Variants in IQCK observed in about 807,000 individuals in gnomAD.
IQCK encodes IQ domain-containing protein K.
A neutral mutation model predicts 28.1 loss-of-function variants in IQCK; 29 were observed. That is an observed-to-expected ratio of 1.03 (90% CI 0.77 to 1.41). The LOEUF is 1.41. Ranked by LOEUF, IQCK falls within the 40% of genes most tolerant of loss-of-function variation. IQCK has a pLI of 0.00. For synonymous variants in IQCK, 113 were observed against 115.1 expected, an observed-to-expected ratio of 0.98 and a Z score of 0.12; for missense variants, 359 against 314.7, an observed-to-expected ratio of 1.14 and a Z score of -1.07.
chr16:19,789,152 G>A (rs745316256), intron 7 of IQCK: 1 of 91,148 alleles, frequency 1.1e-5, no homozygotes, highest in African/African-American at 6.4e-5. Context: ...CAGGGGCCAA[G>A]GTGGGAGGAT....
chr16:19,829,934 C>T (rs572560844), downstream of IQCK, among the ~76,000 whole-genome samples: 54 of 152,164 alleles, frequency 3.5e-4, no homozygotes, highest in Admixed American at 1.1e-3. Context: ...CATGGTACCT[C>T]CTGATGTGAT....
chr16:19,849,489 C>T (rs937378634), intron 9 of IQCK, among the ~76,000 whole-genome samples: 13 of 151,320 alleles, frequency 8.6e-5, no homozygotes, highest in South Asian at 2.1e-4. Context: ...GGGCTGGGTG[C>T]GGTGGCTCAT....
chr16:19,771,126 C>G (rs753611122), intron 6 of IQCK, among the ~76,000 whole-genome samples: 1 of 152,204 alleles, frequency 6.6e-6, no homozygotes, highest in Non-Finnish European at 1.5e-5. Context: ...GGGTCTCCCT[C>G]TGTTGCCCAG....
chr16:19,781,724 C>T (rs907122285), intron 6 of IQCK, among the ~76,000 whole-genome samples: 1 of 152,148 alleles, frequency 6.6e-6, no homozygotes, highest in East Asian at 1.9e-4. Flanking sequence ...CGTGGTGGCT[C>T]ACGCCTGTAA....
At chr16:19,724,084 T>C (rs1398922855) in intron 1 of IQCK, among the ~76,000 whole-genome samples, 1 of 152,226 alleles carries the variant, frequency 6.6e-6, no homozygotes, top group Non-Finnish European at 1.5e-5. Flanking sequence ...TTGTGTTGTG[T>C]ACTTGGAGTC....
At chr16:19,720,456 A>G (rs1977457878) in intron 1 of IQCK, among the ~76,000 whole-genome samples, 1 of 152,224 alleles carries the variant, frequency 6.6e-6, no homozygotes, top group Non-Finnish European at 1.5e-5. Flanking sequence ...CCTCATCTGT[A>G]AGAGACAGAT....
chr16:19,799,597 T>TATAC lies in IQCK; in HGVS notation c.690+10676_690+10677insTACA, dbSNP rs1265590680. The stretch of plus-strand genomic sequence containing the variant: ...ATATTTTATTTTATATATATATATA[T>TATAC]ACACACACACACACACACACACACA... On this transcript the variant is annotated intron_variant, in intron 7 of 7. Transcript: ENST00000564186. 7.5e-4 allele frequency among the ~76,000 whole-genome samples: 84 copies of TATAC among 111,684 alleles called. 3 individuals carry two copies. Among genetic ancestry groups the TATAC allele is most frequent in the African/African-American group, 1.5e-3 (29 of 19,112 alleles). The allele number at this position is 111,684 out of a possible 152,430, so 73.3% of individuals were successfully genotyped here.
intron 4 of IQCK, among the ~76,000 whole-genome samples, chr16:19,740,593 T>A (rs2054819456): frequency 6.6e-6 from 1 of 152,184 alleles, no homozygotes; most frequent in Non-Finnish European, 1.5e-5. Flanking sequence ...GCACTGTGTC[T>A]TTTTATTCGA....
chr16:19,737,368 AG>A (rs1046622340), intron 4 of IQCK, among the ~76,000 whole-genome samples: 6 of 152,110 alleles, frequency 3.9e-5, no homozygotes, highest in African/African-American at 1.4e-4. Context: ...CCCATGTTCT[AG>A]CAAATACCCG....
At chr16:19,744,670 A>G (rs1027815566) in intron 4 of IQCK, among the ~76,000 whole-genome samples, 3 of 152,350 alleles carry the variant, frequency 2.0e-5, no homozygotes, top group Non-Finnish European at 4.4e-5. Context: ...GTCATTTTCA[A>G]TCATGTAAAA....
In IQCK at chr16:19,722,034, A is replaced by C. The variant is rs146169921; in HGVS notation, c.181+3547A>C. ...CACCTGCCAGATACCGACATGGATC[A>C]GTTGTGAATCAATACTTGTTCCTCC... On this transcript the variant is annotated intron_variant, in intron 1 of 7. Transcript: ENST00000564186. Among the ~76,000 whole-genome samples the C allele has an allele frequency of 2.8e-3, 432 of 152,326 alleles. 2 individuals carry two copies. Among genetic ancestry groups the C allele is most frequent in the African/African-American group, 0.01 (428 of 41,562 alleles).
chr16:19,811,309 A>G (rs1298085212), intron 7 of IQCK, among the ~76,000 whole-genome samples: 2 of 152,224 alleles, frequency 1.3e-5, no homozygotes, highest in African/African-American at 2.4e-5. Flanking sequence ...TATGGTCTCT[A>G]GCATAGCAAA....
At chr16:19,790,393 T>G (rs910419675) in intron 7 of IQCK, among the ~76,000 whole-genome samples, 1 of 92,002 alleles carries the variant, frequency 1.1e-5, no homozygotes, top group Non-Finnish European at 1.8e-5. Flanking sequence ...CCATTCTAGG[T>G]AGCAAGATGA....
At chr16:19,805,222 G>A (rs2055819069) in intron 7 of IQCK, among the ~76,000 whole-genome samples, 1 of 130,560 alleles carries the variant, frequency 7.7e-6, no homozygotes, top group South Asian at 2.3e-4. Flanking sequence ...GGTGAAGAGA[G>A]ATGGCATCTG....
chr16:19,823,743 C>T (rs1366036929), intron 7 of IQCK, among the ~76,000 whole-genome samples: 1 of 152,140 alleles, frequency 6.6e-6, no homozygotes, highest in East Asian at 1.9e-4. Flanking sequence ...TCGAGACCAG[C>T]CTGGCCAACA....
At chr16:19,828,799 C>T (rs1008438471), downstream of IQCK, among the ~76,000 whole-genome samples, 2 of 146,194 alleles carry the variant, frequency 1.4e-5, no homozygotes, top group African/African-American at 2.5e-5. Flanking sequence ...TGCAGTGAGC[C>T]GAGATCGTGC....
chr16:19,761,446 A>G (rs1162565464), intron 4 of IQCK: 2 of 454,542 alleles, frequency 4.4e-6, no homozygotes, highest in Admixed American at 4.8e-5. Flanking sequence ...GGGAGGGTGG[A>G]TCTGGATGGG....
rs192340221 is a variant in IQCK at position 19,850,372 on chromosome 16, T to C, written c.803-6115T>C. ...GTAAAACTGGGGAAAATAATAGCAC[T>C]TAGCTCACTATGACTTCGTATGTGT... On this transcript the variant is annotated intron_variant, in intron 9 of 9. Coordinates refer to the IQCK transcript ENST00000320394. 1.2e-4 allele frequency among the ~76,000 whole-genome samples: 19 copies of C among 152,336 alleles called. No homozygotes were observed. In the East Asian group the frequency reaches 3.5e-3, roughly 28 times the overall value.
chr16:19,849,673 G>A (rs2056456276), intron 9 of IQCK, among the ~76,000 whole-genome samples: 1 of 151,548 alleles, frequency 6.6e-6, no homozygotes, highest in South Asian at 2.1e-4. Flanking sequence ...GAGGCAGGAG[G>A]ATCACTTGAG....
Sources: allele counts gnomAD v4.1 joint callset (sites outside exome capture counted in the v4.1 genomes callset), GRCh38; gene constraint gnomAD v4.1.1; transcripts MANE v1.5; gene names NCBI Gene and HGNC (gene_info 2026-07-23, HGNC 2026-07-21).